The following BMPR1B variants were observed in gnomAD, a reference collection of about 807,000 sequenced individuals.
BMPR1B encodes the protein bone morphogenetic protein receptor type 1B.
Under a neutral mutation model 59.1 loss-of-function variants are expected in BMPR1B, and 12 were observed. That is an observed-to-expected ratio of 0.20 (90% CI 0.13 to 0.33). The LOEUF (loss-of-function observed/expected upper bound fraction) is 0.33, where lower values mean the gene tolerates loss of function less well. Among genes scored for constraint, BMPR1B ranks in the 10% least tolerant of loss-of-function variants. The pLI is 1.00. For synonymous variants in BMPR1B, 237 were observed against 207.3 expected, an observed-to-expected ratio of 1.14 and a Z score of -1.23; for missense variants, 550 against 610.9, an observed-to-expected ratio of 0.90 and a Z score of 1.05.
chr4:94,878,996 A>AT (rs1385757496), intron 2 of BMPR1B, among the ~76,000 whole-genome samples: 2 of 150,688 alleles, frequency 1.3e-5, no homozygotes, highest in East Asian at 3.9e-4. Flanking sequence ...GGTTTAATAG[A>AT]TTTTTTATTT....
At chr4:94,784,152 T>C (rs989991233) in intron 1 of BMPR1B, among the ~76,000 whole-genome samples, 2 of 152,222 alleles carry the variant, frequency 1.3e-5, no homozygotes, top group Admixed American at 1.3e-4. Context: ...TGTATGGTTG[T>C]TTTGGCTGGA....
At chr4:94,968,572 A>G (rs57724832) in intron 2 of BMPR1B, among the ~76,000 whole-genome samples, 6 of 152,278 alleles carry the variant, frequency 3.9e-5, no homozygotes, top group African/African-American at 1.4e-4. Context: ...CAGCAAACCC[A>G]AAGTGAGTTT....
chr4:94,793,200 A>G (rs1454137858), intron 1 of BMPR1B, among the ~76,000 whole-genome samples: 1 of 150,128 alleles, frequency 6.7e-6, no homozygotes, highest in Non-Finnish European at 1.5e-5. Flanking sequence ...TCAGAGTGTG[A>G]TATTCCCCTT....
At chr4:95,008,958 G>A (rs1723036721) in intron 3 of BMPR1B, among the ~76,000 whole-genome samples, 1 of 152,096 alleles carries the variant, frequency 6.6e-6, no homozygotes, top group South Asian at 2.1e-4. Context: ...GGAAGGCTGA[G>A]ACAGAAGGAT....
intron 10 of BMPR1B, among the ~76,000 whole-genome samples, chr4:95,139,642 G>A (rs571641148): frequency 1.0e-3 from 155 of 152,260 alleles, no homozygotes; most frequent in Admixed American, 9.5e-3. Context: ...CCTCGCTGCC[G>A]CCTTGCAGTT....
intron 3 of BMPR1B, among the ~76,000 whole-genome samples, chr4:95,048,884 A>AT (rs1392655244): frequency 6.6e-6 from 1 of 152,204 alleles, no homozygotes; most frequent in African/African-American, 2.4e-5. Context: ...TATGCCATTT[A>AT]TAGAAGATCC....
intron 1 of BMPR1B, among the ~76,000 whole-genome samples, chr4:94,871,193 G>C (rs1411660347): frequency 6.6e-6 from 1 of 152,146 alleles, no homozygotes; most frequent in African/African-American, 2.4e-5. Flanking sequence ...AGGACTGCCT[G>C]ACTCCAAGAC....
At chr4:95,112,266 G>C (rs546642151) in intron 4 of BMPR1B, among the ~76,000 whole-genome samples, 66 of 151,910 alleles carry the variant, frequency 4.3e-4, no homozygotes, top group Middle Eastern at 6.8e-3. Context: ...CCAACACTCT[G>C]GGAACGAGGG....
At chr4:94,783,793 G>A (rs545109689) in intron 1 of BMPR1B, among the ~76,000 whole-genome samples, 73 of 152,198 alleles carry the variant, frequency 4.8e-4, no homozygotes, top group Non-Finnish European at 9.0e-4. Context: ...ACTGGTGGAG[G>A]AAGGAAGCTC....
chr4:94,813,059 C>T (rs1311596339), intron 1 of BMPR1B, among the ~76,000 whole-genome samples: 3 of 150,868 alleles, frequency 2.0e-5, no homozygotes, highest in East Asian at 1.9e-4. Context: ...TTTTATTAAC[C>T]AATTGGTTTA....
chr4:95,086,407 A>G (rs937807684), intron 3 of BMPR1B, among the ~76,000 whole-genome samples: 2 of 152,234 alleles, frequency 1.3e-5, no homozygotes, highest in Non-Finnish European at 2.9e-5. Flanking sequence ...ACCCATAGCC[A>G]TTAATGCGAA....
chr4:94,978,736 C>T (rs930918930), intron 2 of BMPR1B, among the ~76,000 whole-genome samples: 12 of 152,074 alleles, frequency 7.9e-5, no homozygotes, highest in Admixed American at 3.3e-4. Context: ...AAGAACATTT[C>T]GAATGGGAGA....
chr4:94,930,710 A>G (rs1300896632), intron 2 of BMPR1B, among the ~76,000 whole-genome samples: 1 of 152,138 alleles, frequency 6.6e-6, no homozygotes, highest in Non-Finnish European at 1.5e-5. Flanking sequence ...GACAATTACA[A>G]TATAGTGTGG....
chr4:94,877,683 A>G (rs1167392563), intron 2 of BMPR1B, among the ~76,000 whole-genome samples: 2 of 152,174 alleles, frequency 1.3e-5, no homozygotes, highest in African/African-American at 4.8e-5. Flanking sequence ...CAGCAGGTAA[A>G]TTAAGTTTTT....
chr4:95,127,044 C>CTG (rs6148578), intron 8 of BMPR1B, among the ~76,000 whole-genome samples: 1,666 of 146,458 alleles, frequency 0.011, 12 homozygotes, highest in African/African-American at 0.023. Flanking sequence ...AGAATTAAGA[C>CTG]TGTGTGTGTG....
intron 2 of BMPR1B, among the ~76,000 whole-genome samples, chr4:94,958,795 G>A (rs1252903687): frequency 6.6e-6 from 1 of 152,132 alleles, no homozygotes; most frequent in African/African-American, 2.4e-5. Context: ...AGTAGTGTGG[G>A]TAACCTGTAT....
chr4:94,976,349 G>A (rs1731032881), intron 2 of BMPR1B, among the ~76,000 whole-genome samples: 1 of 152,184 alleles, frequency 6.6e-6, no homozygotes, highest in South Asian at 2.1e-4. Context: ...GAAATTCAAG[G>A]TGAGGTAATA....
chr4:94,838,701 A>T (rs1268925181), intron 1 of BMPR1B, among the ~76,000 whole-genome samples: 5 of 138,678 alleles, frequency 3.6e-5, no homozygotes, highest in Non-Finnish European at 7.9e-5. Flanking sequence ...TGATCCTTTC[A>T]AAAAACCAGC....
At chr4:94,779,841 T>C (rs1232654223) in intron 1 of BMPR1B, among the ~76,000 whole-genome samples, 3 of 150,818 alleles carry the variant, frequency 2.0e-5, no homozygotes, top group Non-Finnish European at 4.4e-5. Flanking sequence ...TAAAAAACAT[T>C]AGAAAAAAAA....
Sources: allele counts gnomAD v4.1 joint callset (sites outside exome capture counted in the v4.1 genomes callset), GRCh38; gene constraint gnomAD v4.1.1; transcripts MANE v1.5; gene names NCBI Gene and HGNC (gene_info 2026-07-23, HGNC 2026-07-21).